Variants in RBMS3 observed in about 807,000 individuals in gnomAD.
RBMS3 encodes the protein RNA binding motif single stranded interacting protein 3, also known as RNA-binding motif, single-stranded-interacting protein 3.
RBMS3 carries 27 observed loss-of-function variants against 66.8 expected under a neutral mutation model. The observed-to-expected ratio is 0.40, with a 90% CI of 0.30 to 0.56. RBMS3 has a LOEUF of 0.56. Among genes scored for constraint, RBMS3 ranks in the 20% least tolerant of loss-of-function variants. The pLI is 0.40. For synonymous variants in RBMS3, 188 were observed against 183.0 expected (o/e 1.03, Z -0.22); for missense variants, 513 against 549.5 (o/e 0.93, Z 0.66).
chr3:29,285,606 G>C (rs938310114), intron 1 of RBMS3, among the ~76,000 whole-genome samples: 1 of 152,074 alleles, frequency 6.6e-6, no homozygotes, highest in Non-Finnish European at 1.5e-5. Flanking sequence ...CAGACTAGTG[G>C]ACCCAAACAG....
At chr3:29,738,947 T>G (rs553111434) in intron 4 of RBMS3, among the ~76,000 whole-genome samples, 1 of 152,304 alleles carries the variant, frequency 6.6e-6, no homozygotes, top group South Asian at 2.1e-4. Context: ...GGATCAATTT[T>G]GTCATCCATA....
chr3:29,832,002 G>A (rs955958779), intron 6 of RBMS3, among the ~76,000 whole-genome samples: 7 of 152,042 alleles, frequency 4.6e-5, no homozygotes, highest in African/African-American at 1.7e-4. Context: ...TTCCATTGTA[G>A]TACTGTCCTC....
chr3:29,773,552 C>T (rs2056303290), intron 6 of RBMS3, among the ~76,000 whole-genome samples: 1 of 151,988 alleles, frequency 6.6e-6, no homozygotes, highest in Non-Finnish European at 1.5e-5. Context: ...CGCTGAGATG[C>T]CCTAAAGAAA....
At chr3:29,587,066 G>C in intron 3 of RBMS3, 48 bp from the exon 4 acceptor site, 1 of 1,418,520 alleles carries the variant, frequency 7.0e-7, no homozygotes, top group Middle Eastern at 1.8e-4. Context: ...TGAAGATAGA[G>C]ATTCAGCTTT....
intron 6 of RBMS3, among the ~76,000 whole-genome samples, chr3:29,856,699 C>T (rs1159514052): frequency 1.3e-5 from 2 of 152,126 alleles, no homozygotes; most frequent in Non-Finnish European, 2.9e-5. Flanking sequence ...TAGTTTATCA[C>T]TTTGTTTCTA....
chr3:29,460,200 C>G (rs1247337353), intron 2 of RBMS3, among the ~76,000 whole-genome samples: 5 of 152,130 alleles, frequency 3.3e-5, no homozygotes, highest in Admixed American at 2.0e-4. Context: ...TTCACCATCC[C>G]AAAGTCTTTT....
rs968889463 is a variant in RBMS3, at chr3:29,920,020, C to CT, written c.940-16057dup. Among the ~76,000 whole-genome samples, 46 of 151,076 alleles carry CT rather than the reference C, an allele frequency of 3.0e-4. 1 individual carries two copies. Among genetic ancestry groups the CT allele is most frequent in the Middle Eastern group, 6.9e-3 (2 of 288 alleles). On this transcript the variant is annotated intron_variant, in intron 10 of 14. Transcript: ENST00000383767. ...AGTTGTTCCCTTATTGATCTCTCTA[C>CT]TTTTTTTTTAACGTACTTAGGAAAA...
Position 30,007,116 on chromosome 3 carries a change from T to C in RBMS3, c.*3254T>C, listed in dbSNP as rs1577371948. 6.6e-6 allele frequency: 1 copy of C among 152,050 alleles called. No homozygotes were observed. The highest frequency in any genetic ancestry group is 1.9e-4 in the East Asian group (1 of 5,186). 9.4% of individuals were successfully genotyped at this position (152,050 alleles called of 1,614,324 possible). A position where few individuals can be genotyped will look rare whatever the true frequency, so the allele number is the denominator to read the frequency against. Reference sequence around the variant, plus strand: ...TCTGTTGTCTTACCTAAGACTTGTTTTGAAGAGCCAAGTCTGGGAGAGAAA... The same window carrying C: ...TCTGTTGTCTTACCTAAGACTTGTTCTGAAGAGCCAAGTCTGGGAGAGAAA... On this transcript the variant is annotated 3_prime_UTR_variant, in exon 15 of 15. Transcript: ENST00000383767.
chr3:29,308,690 C>T (rs1306516112), intron 1 of RBMS3, among the ~76,000 whole-genome samples: 1 of 142,336 alleles, frequency 7.0e-6, no homozygotes, highest in Admixed American at 7.5e-5. Flanking sequence ...GGCCAAAGGT[C>T]TGGAGTTGGA....
At chr3:29,701,660 C>A (rs910623532) in intron 4 of RBMS3, among the ~76,000 whole-genome samples, 1 of 152,082 alleles carries the variant, frequency 6.6e-6, no homozygotes, top group Non-Finnish European at 1.5e-5. Flanking sequence ...TGGGCGGGCC[C>A]GCACTCGGAG....
chr3:29,281,555 T>G lies in RBMS3; in HGVS notation c.-127T>G. The G allele has an allele frequency of 1.5e-6, 1 of 688,538 alleles. No individual in the cohort carries two copies. Among genetic ancestry groups the G allele is most frequent in the Non-Finnish European group, 2.6e-6 (1 of 390,156 alleles). 42.7% of individuals were successfully genotyped at this position (688,538 alleles called of 1,614,324 possible). A position where few individuals can be genotyped will look rare whatever the true frequency, so the allele number is the denominator to read the frequency against. ...TTCTTGCTGTGTTGGAACTAGCGAGTGGTGGAGTCTCTGAAGCCTCATCAG... is the reference window on the plus strand; with the variant it reads ...TTCTTGCTGTGTTGGAACTAGCGAGGGGTGGAGTCTCTGAAGCCTCATCAG... On this transcript the variant is annotated 5_prime_UTR_variant, in exon 1 of 15. Coordinates refer to ENST00000383767, the MANE Select transcript of RBMS3 (RefSeq NM_001003793.3).
intron 6 of RBMS3, among the ~76,000 whole-genome samples, chr3:29,866,501 T>C (rs2059367038): frequency 6.6e-6 from 1 of 152,200 alleles, no homozygotes; most frequent in African/African-American, 2.4e-5. Flanking sequence ...CCACTGACAG[T>C]GATGAACTCA....
chr3:29,703,852 A>T (rs2052746702), intron 4 of RBMS3, among the ~76,000 whole-genome samples: 1 of 147,466 alleles, frequency 6.8e-6, no homozygotes, highest in Admixed American at 6.6e-5. Context: ...GTGCTGGGCG[A>T]GTGAATGAAG....
intron 6 of RBMS3, among the ~76,000 whole-genome samples, chr3:29,802,165 C>T (rs552893266): frequency 7.2e-5 from 11 of 152,260 alleles, no homozygotes; most frequent in Non-Finnish European, 1.5e-4. Context: ...GACAGCAAGC[C>T]TGAGTATAAA....
chr3:30,002,444 T>C (rs1699654013), intron 14 of RBMS3, among the ~76,000 whole-genome samples: 5 of 152,000 alleles, frequency 3.3e-5, no homozygotes, highest in Admixed American at 2.0e-4. Context: ...AATTGTTCCC[T>C]TAGTAATATA....
chr3:29,801,519 C>T (rs2057390095), intron 6 of RBMS3, among the ~76,000 whole-genome samples: 3 of 149,968 alleles, frequency 2.0e-5, no homozygotes, highest in South Asian at 2.1e-4. Context: ...CTGCCCGCCT[C>T]GGCCTCCCAA....
At chr3:29,713,975 A>C (rs2053281565) in intron 4 of RBMS3, among the ~76,000 whole-genome samples, 1 of 152,092 alleles carries the variant, frequency 6.6e-6, no homozygotes, top group South Asian at 2.1e-4. Flanking sequence ...GGATTGCTTA[A>C]ATTCGGGAAG....
intron 2 of RBMS3, among the ~76,000 whole-genome samples, chr3:29,455,754 T>C (rs1422915530): frequency 2.6e-5 from 4 of 151,576 alleles, no homozygotes; most frequent in Non-Finnish European, 1.5e-5. Context: ...GAGAGCACTT[T>C]ACCACTACAC....
rs10596526 is a variant in RBMS3, at chr3:29,990,460, CAAAAAAAAA to C, written c.1180-607_1180-599del. Among the ~76,000 whole-genome samples the C allele has an allele frequency of 1.7e-4, 18 of 106,496 alleles. No individual in the cohort carries two copies. The South Asian group carries it at 3.4e-3, about 20-fold the overall frequency. The allele number at this position is 106,496 out of a possible 152,430, so 69.9% of individuals were successfully genotyped here. On this transcript the variant is annotated intron_variant, in intron 13 of 14. Transcript: ENST00000383767. ...CACTCTTGCCAGCATCTGTGAGAAA[CAAAAAAAAA>C]AAAAAAAAAAAAAATAGGGTGAAGG...
Sources: gnomAD v4.1 joint callset for allele counts (sites outside exome capture counted in the v4.1 genomes callset) on GRCh38, gnomAD v4.1.1 for gene constraint, MANE v1.5 for transcripts, NCBI Gene and HGNC (gene_info 2026-07-23, HGNC 2026-07-21) for gene names.